The following JARID2 variants were observed in gnomAD, a reference collection of about 807,000 sequenced individuals.
JARID2 encodes jumonji and AT-rich interaction domain containing 2.
Under a neutral mutation model 125.6 loss-of-function variants are expected in JARID2, and 21 were observed. The observed-to-expected ratio is 0.17, with a 90% CI of 0.12 to 0.24. The LOEUF (loss-of-function observed/expected upper bound fraction) is 0.24. Among genes scored for constraint, JARID2 ranks in the 10% least tolerant of loss-of-function variants. JARID2 has a pLI of 1.00. For synonymous variants in JARID2, 736 were observed against 661.6 expected, an observed-to-expected ratio of 1.11 and a Z score of -1.73; for missense variants, 1,303 against 1,639.6, an observed-to-expected ratio of 0.79 and a Z score of 3.55.
chr6:15,383,168 A>AT (rs572325061), intron 2 of JARID2, among the ~76,000 whole-genome samples: 10,573 of 145,980 alleles, frequency 0.072, 664 homozygotes, highest in African/African-American at 0.17. Flanking sequence ...GTAGTCTAGA[A>AT]TTTTTTTTTT....
At chr6:15,443,000 C>A (rs1581571289) in intron 3 of JARID2, among the ~76,000 whole-genome samples, 1 of 152,160 alleles carries the variant, frequency 6.6e-6, no homozygotes, top group African/African-American at 2.4e-5. Context: ...GGAAAAAGTT[C>A]ATATCTTGTA....
At chr6:15,317,856 C>A (rs550886146) in intron 1 of JARID2, among the ~76,000 whole-genome samples, 1 of 152,160 alleles carries the variant, frequency 6.6e-6, no homozygotes, top group Non-Finnish European at 1.5e-5. Flanking sequence ...TTCTTTAATA[C>A]CAGACCCGCT....
At chr6:15,330,814 A>G (rs2127454961) in intron 1 of JARID2, among the ~76,000 whole-genome samples, 1 of 152,344 alleles carries the variant, frequency 6.6e-6, no homozygotes, top group South Asian at 2.1e-4. Context: ...CTTTCTCAAA[A>G]AATATATATT....
intron 1 of JARID2, among the ~76,000 whole-genome samples, chr6:15,348,541 T>C (rs1351829954): frequency 6.6e-6 from 1 of 152,242 alleles, no homozygotes; most frequent in African/African-American, 2.4e-5. Flanking sequence ...ATAGAAATGC[T>C]TTAAAGTTTG....
intron 1 of JARID2, among the ~76,000 whole-genome samples, chr6:15,270,597 C>T (rs1222851633): frequency 1.3e-5 from 2 of 152,198 alleles, no homozygotes; most frequent in African/African-American, 4.8e-5. Context: ...TTGGACTTAG[C>T]AGTGACTGTG....
chr6:15,478,010 G>T (rs1161968059), intron 5 of JARID2, among the ~76,000 whole-genome samples: 1 of 152,224 alleles, frequency 6.6e-6, no homozygotes, highest in Non-Finnish European at 1.5e-5. Context: ...GGTAATTCCT[G>T]TGTCAGGATT....
chr6:15,308,548 C>T (rs1761911841), intron 1 of JARID2, among the ~76,000 whole-genome samples: 1 of 152,180 alleles, frequency 6.6e-6, no homozygotes, highest in Non-Finnish European at 1.5e-5. Context: ...CCTGTTTTCT[C>T]CCCTGTGGTT....
At chr6:15,373,118 C>T (rs1764232613) in intron 1 of JARID2, among the ~76,000 whole-genome samples, 1 of 152,210 alleles carries the variant, frequency 6.6e-6, no homozygotes, top group Non-Finnish European at 1.5e-5. Flanking sequence ...CTCTCAATAT[C>T]CTTGGCCATG....
At chr6:15,425,174 A>G (rs1050215046) in intron 3 of JARID2, among the ~76,000 whole-genome samples, 2 of 152,216 alleles carry the variant, frequency 1.3e-5, no homozygotes, top group African/African-American at 2.4e-5. Flanking sequence ...AGAGAATAGT[A>G]TAGTTGTACC....
intron 1 of JARID2, among the ~76,000 whole-genome samples, chr6:15,322,132 A>G (rs958034447): frequency 6.6e-6 from 1 of 152,198 alleles, no homozygotes; most frequent in Non-Finnish European, 1.5e-5. Context: ...GGAGAATGGG[A>G]AATCTGCATA....
chr6:15,400,759 C>T (rs933834597), intron 2 of JARID2: 134 of 979,080 alleles, frequency 1.4e-4, no homozygotes, highest in Non-Finnish European at 1.6e-4. Flanking sequence ...TCCTGGCTGC[C>T]TCCCCTCCCC....
At chr6:15,266,202 G>A (rs1283568002) in intron 1 of JARID2, among the ~76,000 whole-genome samples, 1 of 152,148 alleles carries the variant, frequency 6.6e-6, no homozygotes, top group Non-Finnish European at 1.5e-5. Flanking sequence ...CTCCTGTGGT[G>A]TTGGTACTGA....
intron 1 of JARID2, among the ~76,000 whole-genome samples, chr6:15,309,692 TA>T (rs1020162663): frequency 3.3e-5 from 5 of 152,072 alleles, no homozygotes; most frequent in African/African-American, 1.2e-4. Context: ...TGTATATATA[TA>T]TATGTATGCT....
intron 2 of JARID2, among the ~76,000 whole-genome samples, chr6:15,402,653 A>G (rs1212224106): frequency 6.6e-6 from 1 of 152,148 alleles, no homozygotes; most frequent in African/African-American, 2.4e-5. Context: ...TCATGGTTAC[A>G]CATCAGCCTA....
At chr6:15,496,012 C>G (rs916977995) in intron 6 of JARID2, 120 bp from the exon 7 acceptor site, 2 of 781,302 alleles carry the variant, frequency 2.6e-6, no homozygotes, top group Non-Finnish European at 4.2e-6. Context: ...TATCACACTA[C>G]AGGCTGCTGG....
At chr6:15,338,358 A>G (rs1762951548) in intron 1 of JARID2, among the ~76,000 whole-genome samples, 1 of 152,236 alleles carries the variant, frequency 6.6e-6, no homozygotes, top group African/African-American at 2.4e-5. Context: ...GACTCTCAGA[A>G]TCTGGAGGAA....
intron 3 of JARID2, among the ~76,000 whole-genome samples, chr6:15,421,956 C>CTT (rs1490567155): frequency 6.6e-6 from 1 of 152,226 alleles, no homozygotes; most frequent in African/African-American, 2.4e-5. Context: ...ATAATCTCTT[C>CTT]TGCCAAGGGA....
At chr6:15,347,051 A>G (rs1248955957) in intron 1 of JARID2, among the ~76,000 whole-genome samples, 1 of 152,144 alleles carries the variant, frequency 6.6e-6, no homozygotes, top group Non-Finnish European at 1.5e-5. Context: ...GTAATATTTT[A>G]TATCAGAAGA....
chr6:15,434,884 T>G (rs1767136113), intron 3 of JARID2, among the ~76,000 whole-genome samples: 1 of 152,216 alleles, frequency 6.6e-6, no homozygotes, highest in Non-Finnish European at 1.5e-5. Flanking sequence ...CAAGTAGGTT[T>G]GGGTTTCCTT....
Sources: gnomAD v4.1 joint callset for allele counts (sites outside exome capture counted in the v4.1 genomes callset) on GRCh38, gnomAD v4.1.1 for gene constraint, MANE v1.5 for transcripts, NCBI Gene and HGNC (gene_info 2026-07-23, HGNC 2026-07-21) for gene names.